PITPNM2: variants seen among roughly 807,000 people sequenced by gnomAD.
PITPNM2 encodes membrane-associated phosphatidylinositol transfer protein 2.
A neutral mutation model predicts 132.2 loss-of-function variants in PITPNM2; 35 were observed. The ratio of observed to expected loss-of-function variants is 0.26; its 90% CI spans 0.20 to 0.35. The LOEUF (loss-of-function observed/expected upper bound fraction) is 0.35, where lower values mean the gene tolerates loss of function less well. PITPNM2 is among the 10% of genes least tolerant of loss of function. PITPNM2 has a pLI of 1.00. For missense variants in PITPNM2, 1,332 were observed against 1,912.0 expected, an observed-to-expected ratio of 0.70 and a Z score of 5.66; for synonymous variants, 738 against 799.2, an observed-to-expected ratio of 0.92 and a Z score of 1.29.
chr12:123,136,943 T>G (rs2137614115), intron 1 of PITPNM2, among the ~76,000 whole-genome samples: 1 of 152,216 alleles, frequency 6.6e-6, no homozygotes, highest in East Asian at 1.9e-4. Flanking sequence ...AATATGGAAA[T>G]GTACAGAACA....
intron 1 of PITPNM2, among the ~76,000 whole-genome samples, chr12:123,134,347 G>A (rs6488865): frequency 0.069 from 10,477 of 152,150 alleles, 847 homozygotes; most frequent in African/African-American, 0.2. Context: ...TGCCAAGCCC[G>A]GTGACCACCC....
Position 123,108,264 on chromosome 12 carries a change from G to T in PITPNM2, c.-96+2121C>A, listed in dbSNP as rs1410075347. Among the ~76,000 whole-genome samples, 1 of 152,182 alleles carries T rather than the reference G, an allele frequency of 6.6e-6. No individual in the cohort carries two copies. The highest frequency in any genetic ancestry group is 1.5e-5 in the Non-Finnish European group (1 of 68,048). ...CAGAACAATTCCTGAAGACATTTTA[G>T]GTCTAAGTGAAGACCTTCGGATGAG... is the stretch of plus-strand genomic sequence containing the variant. On this transcript the variant is annotated intron_variant, in intron 2 of 25. Transcript: ENST00000320201. This position sits in a 1 kb window ranked among gnomAD's most constrained non-coding sequence, Gnocchi z 4.4.
intron 2 of PITPNM2, chr12:123,081,324 G>A: frequency 6.6e-6 from 1 of 152,416 alleles, no homozygotes; most frequent in Non-Finnish European, 1.5e-5. Flanking sequence ...CCTCTCCTCT[G>A]CCCTGTTCTA....
chr12:123,141,680 C>A (rs572934904), intron 1 of PITPNM2, among the ~76,000 whole-genome samples: 1 of 152,322 alleles, frequency 6.6e-6, no homozygotes, highest in East Asian at 1.9e-4. Flanking sequence ...CTGAACCCTG[C>A]AAGCACCAGT....
At chr12:123,115,648 C>T (rs1330599296) in intron 1 of PITPNM2, among the ~76,000 whole-genome samples, 4 of 152,074 alleles carry the variant, frequency 2.6e-5, no homozygotes, top group Admixed American at 6.6e-5. Flanking sequence ...ATGTAAAATC[C>T]CAAGCCCACA....
In PITPNM2 at chr12:122,992,629, G is replaced by A. The variant is rs199660394; in HGVS notation, c.2274C>T (p.Leu758=). 1.2e-6 allele frequency: 2 copies of A among 1,601,932 alleles called. No individual in the cohort carries two copies. Among genetic ancestry groups the A allele is most frequent in the East Asian group, 4.5e-5 (2 of 44,270 alleles). Residue 758 remains leucine (L), a synonymous_variant, in exon 16 of 26, where the codon CTC becomes CTT. Transcript: ENST00000320201. This position sits in a 1 kb window ranked among gnomAD's most constrained non-coding sequence, Gnocchi z 6.5. The part of the protein sequence containing the change: ...LRPACQQVYN[L]FHPADPSASR... ...AAGCTGACGGGTCCGCGGGGTGGAA[G>A]AGGTTGTAGACTTGCTGGCAGGCCG...
At chr12:123,027,468 T>A (rs778306899) in intron 3 of PITPNM2, among the ~76,000 whole-genome samples, 2 of 152,188 alleles carry the variant, frequency 1.3e-5, no homozygotes, top group Non-Finnish European at 2.9e-5. Flanking sequence ...CCACCACATC[T>A]CTGGGCAGAC....
At chr12:123,115,947 C>G (rs2042929181) in intron 1 of PITPNM2, among the ~76,000 whole-genome samples, 1 of 152,218 alleles carries the variant, frequency 6.6e-6, no homozygotes, top group Non-Finnish European at 1.5e-5. Context: ...CCATGGGAAC[C>G]TGGATATTCC....
At position 123,023,882 on chromosome 12, in the gene PITPNM2, A is replaced by C. The variant is rs181609345; in HGVS notation, c.79-9840T>G. On this transcript the variant is annotated intron_variant, in intron 3 of 25. Transcript: ENST00000320201. This position sits in a 1 kb window ranked among gnomAD's most constrained non-coding sequence, Gnocchi z 4.8. ...GGGAGAGAATTTTTATATACAATAT[A>C]TCTTATAGTAACTTATATCCAAAAT... Among the ~76,000 whole-genome samples the C allele has an allele frequency of 9.2e-5, 14 of 152,338 alleles. No homozygotes were observed. Among genetic ancestry groups the C allele is most frequent in the African/African-American group, 3.4e-4 (14 of 41,584 alleles).
Position 123,022,094 on chromosome 12 carries a change from GCCTGGAAAAC to G in PITPNM2, c.79-8062_79-8053del, listed in dbSNP as rs568341297. On this transcript the variant is annotated intron_variant, in intron 3 of 25. Coordinates refer to ENST00000320201, the MANE Select transcript of PITPNM2 (RefSeq NM_020845.3). The surrounding 1 kb of genome is among the most constrained non-coding windows in gnomAD (Gnocchi z 4.9). ...CCTGAAGGATGGAGTGAAGAGCCAG[GCCTGGAAAAC>G]CCTTCATTTCCGGTGCTCAGAGGCT... Among the ~76,000 whole-genome samples the G allele has an allele frequency of 2.0e-5, 3 of 152,268 alleles. No individual in the cohort carries two copies. The East Asian group carries it at 5.8e-4, about 29-fold the overall frequency.
Position 123,078,189 on chromosome 12 carries a change from C to T in PITPNM2, c.-96+32196G>A, listed in dbSNP as rs748192070. Among the ~76,000 whole-genome samples the T allele has an allele frequency of 3.3e-5, 5 of 152,184 alleles. No homozygotes were observed. Among genetic ancestry groups the T allele is most frequent in the Non-Finnish European group, 7.3e-5 (5 of 68,034 alleles). ...TGAGTTGCCATGGAGAAAGGGGAGC[C>T]GCTGGCAGAGCCCAAGGCGGGCGGA... On this transcript the variant is annotated intron_variant, in intron 2 of 25. Coordinates refer to ENST00000320201, the MANE Select transcript of PITPNM2 (RefSeq NM_020845.3). This position sits in a 1 kb window ranked among gnomAD's most constrained non-coding sequence, Gnocchi z 7.3.
intron 2 of PITPNM2, among the ~76,000 whole-genome samples, chr12:123,051,892 C>T (rs1013678192): frequency 1.4e-5 from 2 of 144,520 alleles, no homozygotes; most frequent in Admixed American, 7.4e-5. Context: ...TCATCTTTCT[C>T]GTTTTTCCAT....
rs10612599 is a variant in PITPNM2, at chr12:123,006,719, GTAATAA to G, written c.644-1177_644-1172del. On this transcript the variant is annotated intron_variant, in intron 6 of 25. Transcript: ENST00000320201. ...CAGAGTAAGACCCTGTCTCAAAATA[GTAATAA>G]TAATAATAATAATAATAATAATAAT... 2.8e-3 allele frequency among the ~76,000 whole-genome samples: 397 copies of G among 139,918 alleles called. 1 individual carries two copies. Among genetic ancestry groups the G allele is most frequent in the African/African-American group, 6.6e-3 (248 of 37,758 alleles). The allele number at this position is 139,918 out of a possible 152,430, so 91.8% of individuals were successfully genotyped here. A position where few individuals can be genotyped will look rare whatever the true frequency, so the allele number is the denominator to read the frequency against.
chr12:123,035,621 G>A (rs753311690), intron 2 of PITPNM2, among the ~76,000 whole-genome samples: 104 of 151,664 alleles, frequency 6.9e-4, no homozygotes, highest in Admixed American at 4.6e-4. Flanking sequence ...AGCTGAGATC[G>A]CGCCATTGCA....
chr12:123,004,941 G>C lies in PITPNM2; in HGVS notation c.952+299C>G, dbSNP rs149247837. 5.8e-4 allele frequency among the ~76,000 whole-genome samples: 88 copies of C among 152,256 alleles called. 1 individual carries two copies. In the East Asian group the frequency reaches 0.015, roughly 25 times the overall value. On this transcript the variant is annotated intron_variant, in intron 7 of 25. Transcript: ENST00000320201. The surrounding 1 kb of genome is among the most constrained non-coding windows in gnomAD (Gnocchi z 4.9). ...TAATCTCAGGGTCTGAAGTCTCCTA[G>C]GGTCCCCATCAGGAGGGGTGGCCCC...
At chr12:123,079,022 C>G (rs2041873398) in intron 2 of PITPNM2, among the ~76,000 whole-genome samples, 1 of 152,174 alleles carries the variant, frequency 6.6e-6, no homozygotes, top group Non-Finnish European at 1.5e-5. Flanking sequence ...AGAGATGATA[C>G]CACGTTCTAC....
rs2037865626 is a variant in PITPNM2 at position 122,984,720 on chromosome 12, G to C, written c.*1307C>G. ...CCGTAGCTTCTCGGGGACAGAGCCT[G>C]GTCGCTGGACAAAGGCCGAGGCCAG... On this transcript the variant is annotated 3_prime_UTR_variant, in exon 26 of 26. Transcript: ENST00000320201. 6.6e-6 allele frequency: 1 copy of C among 152,238 alleles called. No homozygotes were observed. Among genetic ancestry groups the C allele is most frequent in the Non-Finnish European group, 1.5e-5 (1 of 68,048 alleles). 9.4% of individuals were successfully genotyped at this position (152,238 alleles called of 1,614,324 possible). A position where few individuals can be genotyped will look rare whatever the true frequency, so the allele number is the denominator to read the frequency against.
chr12:123,028,944 G>C (rs998985464), intron 3 of PITPNM2, among the ~76,000 whole-genome samples: 1 of 152,186 alleles, frequency 6.6e-6, no homozygotes, highest in Non-Finnish European at 1.5e-5. Flanking sequence ...GACAGGAAGG[G>C]CACAGGTAGT....
In PITPNM2 at chr12:123,008,811, T is replaced by C. The variant is rs1285602624; in HGVS notation, c.643+1039A>G. On this transcript the variant is annotated intron_variant, in intron 6 of 25. Coordinates refer to ENST00000320201, the MANE Select transcript of PITPNM2 (RefSeq NM_020845.3). The surrounding 1 kb of genome is among the most constrained non-coding windows in gnomAD (Gnocchi z 4.1). The stretch of plus-strand genomic sequence containing the variant: ...CACCCATCGAGGCCCTGTCCACGTC[T>C]TCGCTTCTCCAAGTGGAAGACCGCG... Among the ~76,000 whole-genome samples the C allele has an allele frequency of 6.6e-6, 1 of 152,218 alleles. No homozygotes were observed. Among genetic ancestry groups the C allele is most frequent in the Non-Finnish European group, 1.5e-5 (1 of 68,038 alleles).
Sources: allele counts gnomAD v4.1 joint callset (sites outside exome capture counted in the v4.1 genomes callset), GRCh38; gene constraint gnomAD v4.1.1; non-coding constraint Gnocchi (gnomAD v3.1); transcripts MANE v1.5; gene names NCBI Gene and HGNC (gene_info 2026-07-23, HGNC 2026-07-21).